Variants in NPC1 observed in about 807,000 individuals in gnomAD.
NPC1 encodes NPC intracellular cholesterol transporter 1, also known as Niemann-Pick C1 protein.
In NPC1, 85 loss-of-function variants were observed where a neutral mutation model predicts 140.4. That is an observed-to-expected ratio of 0.61 (90% CI 0.51 to 0.72). The LOEUF (loss-of-function observed/expected upper bound fraction) is 0.72, where lower values mean the gene tolerates loss of function less well. Ranked by LOEUF, NPC1 falls within the 30% of genes least tolerant of loss-of-function variation. The pLI, the probability that NPC1 is intolerant of heterozygous loss-of-function variation, is 0.00. For missense variants in NPC1, 1,504 were observed against 1,623.8 expected, an observed-to-expected ratio of 0.93 and a Z score of 1.27; for synonymous variants, 656 against 624.8, an observed-to-expected ratio of 1.05 and a Z score of -0.74.
chr18:23,544,441 ATGTAGC>A lies in NPC1; in HGVS notation c.2027_2032del (p.Ser676_Tyr677del). On this transcript the variant is annotated inframe_deletion, in exon 13 of 25. Transcript: ENST00000269228. ...CACAATGAGGGTCAAGGGCAACCCAATGTAGCTGAAGACACCCAAGGAGCAAGCCAC... is the reference window on the plus strand; with the variant it reads ...CACAATGAGGGTCAAGGGCAACCCAATGAAGACACCCAAGGAGCAAGCCAC... 1 of 1,614,202 alleles carries A rather than the reference ATGTAGC, an allele frequency of 6.2e-7. No homozygotes were observed. The highest frequency in any genetic ancestry group is 2.2e-5 in the East Asian group (1 of 44,892).
At chr18:23,514,745 C>G (rs1334505614) in intron 3 of NPC1, among the ~76,000 whole-genome samples, 1 of 151,984 alleles carries the variant, frequency 6.6e-6, no homozygotes, top group Non-Finnish European at 1.5e-5. Context: ...GAAAGTATAC[C>G]TTAAGGTTAC....
chr18:23,530,717 A>C (rs1295237107), downstream of NPC1: 26 of 1,071,778 alleles, frequency 2.4e-5, no homozygotes, highest in East Asian at 1.5e-4. Flanking sequence ...TTTGTAAACA[A>C]CACAATTTGA....
downstream of NPC1, chr18:23,520,444 G>A (rs2058113803): frequency 1.3e-6 from 1 of 751,410 alleles, no homozygotes; most frequent in Admixed American, 2.9e-5. Context: ...GTCTGATTTT[G>A]CCAGGGGCCA....
chr18:23,533,061 G>T (rs2058563071), intron 24 of NPC1: 1 of 739,718 alleles, frequency 1.4e-6, no homozygotes, highest in Non-Finnish European at 1.9e-6. Flanking sequence ...GGGAGGAGCT[G>T]CCCTGCCTGC....
rs192744586 is a variant in NPC1 at position 23,550,022 on chromosome 18, T to G, written c.1654+1605A>C. Among the ~76,000 whole-genome samples, 225 of 146,478 alleles carry G rather than the reference T, an allele frequency of 1.5e-3. 1 individual carries two copies. Among genetic ancestry groups the G allele is most frequent in the Admixed American group, 3.1e-3 (47 of 14,976 alleles). ...ATGCATACTAATATTTTTGTCCAGTTTTTTTTTTTTTCTGGCAAGGTCTCG... is the reference window on the plus strand; with the variant it reads ...ATGCATACTAATATTTTTGTCCAGTGTTTTTTTTTTTCTGGCAAGGTCTCG... On this transcript the variant is annotated intron_variant, in intron 10 of 24. Transcript: ENST00000269228.
At chr18:23,581,905 C>G (rs186717088) in intron 1 of NPC1, 4 of 152,238 alleles carry the variant, frequency 2.6e-5, no homozygotes, top group African/African-American at 9.6e-5. Context: ...TGTATCCAGC[C>G]TTCCCCCCAT....
Position 23,524,032 on chromosome 18 carries a change from G to T in NPC1, c.164-1126C>A, listed in dbSNP as rs773613606. ...TTGACTACAATTGAATAAACATTTC[G>T]TAATGACATTAAAAAGTATTGACTT... is the stretch of plus-strand genomic sequence containing the variant. On this transcript the variant is annotated intron_variant, in intron 1 of 1. Transcript: ENST00000590723. 6 of 1,286,856 alleles carry T rather than the reference G, an allele frequency of 4.7e-6. No homozygotes were observed. The East Asian group carries it at 6.9e-5, about 15-fold the overall frequency. 79.7% of individuals were successfully genotyped at this position (1,286,856 alleles called of 1,614,324 possible). A position where few individuals can be genotyped will look rare whatever the true frequency, so the allele number is the denominator to read the frequency against.
Position 23,560,421 on chromosome 18 carries a change from C to A in NPC1, c.691G>T (p.Val231Leu). 6.2e-7 allele frequency: 1 copy of A among 1,614,048 alleles called. No individual in the cohort carries two copies. Among genetic ancestry groups the A allele is most frequent in the Middle Eastern group, 1.7e-4 (1 of 6,054 alleles). ...CTACATGGTGCTGTGACCTCATCCA[C>A]AGACTCGTCACAGCCTTTGGTGGCA... ...NNATKGCDES[V>L]DEVTAPCSCQ... Residue 231 changes from valine (V) to leucine (L), a missense_variant, in exon 6 of 25, where the codon GTG becomes TTG. By Grantham distance (32) the Val-to-Leu change is conservative. Transcript: ENST00000269228.
chr18:23,550,530 G>A (rs1248757483), intron 10 of NPC1, among the ~76,000 whole-genome samples: 1 of 114,172 alleles, frequency 8.8e-6, no homozygotes, highest in African/African-American at 3.8e-5. Flanking sequence ...CGCCCAGGCT[G>A]GAGTGCAGTG....
At chr18:23,576,784 G>A in intron 1 of NPC1, 1 of 168,532 alleles carries the variant, frequency 5.9e-6, no homozygotes, top group South Asian at 1.7e-4. Context: ...CTCCCAGTGG[G>A]CTCGTGGTCT....
At chr18:23,571,884 T>C (rs948244611) in intron 3 of NPC1, among the ~76,000 whole-genome samples, 190 bp downstream of exon 3, 3 of 151,590 alleles carry the variant, frequency 2.0e-5, no homozygotes, top group Non-Finnish European at 4.4e-5. Flanking sequence ...TATACATACA[T>C]GTATTTTTAA....
At chr18:23,533,560 T>C in intron 23 of NPC1, 43 bp from the exon 24 acceptor site, 1 of 1,582,770 alleles carries the variant, frequency 6.3e-7, no homozygotes, top group Non-Finnish European at 8.7e-7. Flanking sequence ...TTTACCAACC[T>C]GTAATTGAAC....
In NPC1 at chr18:23,544,944, C is replaced by CCG. The variant is rs72283949; in HGVS notation, c.1947+15_1947+16insCG. ...CTGTTAACCTCTAGAACATACACCA[C>CCG]CCCCCCCCGGCTTACCAGAAGCCTG... is the stretch of plus-strand genomic sequence containing the variant. On this transcript the variant is annotated intron_variant, in intron 12 of 24. Coordinates refer to ENST00000269228, the MANE Select transcript of NPC1 (RefSeq NM_000271.5). 139 of 850,760 alleles carry CCG rather than the reference C, an allele frequency of 1.6e-4. 5 individuals are homozygous for CCG. In the African/African-American group the frequency reaches 3.7e-3, roughly 23 times the overall value. 52.7% of individuals were successfully genotyped at this position (850,760 alleles called of 1,614,324 possible).
chr18:23,541,854 G>A (rs2058717609), intron 14 of NPC1, among the ~76,000 whole-genome samples: 2 of 152,164 alleles, frequency 1.3e-5, no homozygotes, highest in Non-Finnish European at 2.9e-5. Flanking sequence ...ATCTACAATC[G>A]AGTGAGGATC....
intron 3 of NPC1, among the ~76,000 whole-genome samples, chr18:23,509,889 C>T (rs546701885): frequency 5.4e-5 from 8 of 148,080 alleles, no homozygotes; most frequent in African/African-American, 2.0e-4. Context: ...TTTGTAGAGA[C>T]GAAGTCTTGC....
intron 1 of NPC1, chr18:23,524,069 G>A: frequency 6.5e-7 from 1 of 1,532,258 alleles, no homozygotes; most frequent in Non-Finnish European, 9.0e-7. Flanking sequence ...TGTGTCATAA[G>A]TACCAGCATT....
At chr18:23,549,156 C>G (rs1420130105) in intron 10 of NPC1, among the ~76,000 whole-genome samples, 1 of 152,144 alleles carries the variant, frequency 6.6e-6, no homozygotes, top group Non-Finnish European at 1.5e-5. Context: ...GATAAATTCT[C>G]CCAAACTGCC....
intron 3 of NPC1, chr18:23,509,691 T>A (rs1257146188): frequency 6.6e-6 from 1 of 152,340 alleles, no homozygotes; most frequent in African/African-American, 2.4e-5. Flanking sequence ...GCCTCGTGAG[T>A]AGATGGGATT....
At chr18:23,566,056 A>G (rs1411661838) in intron 4 of NPC1, among the ~76,000 whole-genome samples, 2 of 151,934 alleles carry the variant, frequency 1.3e-5, no homozygotes, top group Non-Finnish European at 2.9e-5. Context: ...TTTCCTCATT[A>G]CCCAGTTAAC....
Sources: gnomAD v4.1 joint callset for allele counts (sites outside exome capture counted in the v4.1 genomes callset) on GRCh38, gnomAD v4.1.1 for gene constraint, MANE v1.5 for transcripts, NCBI Gene and HGNC (gene_info 2026-07-23, HGNC 2026-07-21) for gene names.